Variants in KCNIP3 observed in about 807,000 individuals in gnomAD.
The protein encoded by KCNIP3 is calsenilin.
Under a neutral mutation model 35.0 loss-of-function variants are expected in KCNIP3, and 28 were observed. The observed-to-expected ratio is 0.80, with a 90% confidence interval of 0.59 to 1.10. The LOEUF (loss-of-function observed/expected upper bound fraction) is 1.10, where lower values mean the gene tolerates loss of function less well. Ranked by LOEUF, KCNIP3 falls within the 50% of genes least tolerant of loss-of-function variation. The pLI is 0.00. For missense variants in KCNIP3, 295 were observed against 338.4 expected (o/e 0.87, Z 1.01); for synonymous variants, 134 against 133.8 (o/e 1.00, Z -0.01).
At chr2:95,381,434 G>C (rs1680337070) in intron 5 of KCNIP3, among the ~76,000 whole-genome samples, 162 bp from the exon 6 acceptor site, 1 of 152,106 alleles carries the variant, frequency 6.6e-6, no homozygotes, top group Non-Finnish European at 1.5e-5. Context: ...CTCACACACG[G>C]GCACACACTC....
At chr2:95,371,528 AAATATTAATTAGG>A (rs1279061240) in intron 2 of KCNIP3, among the ~76,000 whole-genome samples, 4 of 152,222 alleles carry the variant, frequency 2.6e-5, no homozygotes, top group Non-Finnish European at 5.9e-5. Context: ...AGTGTTCTAT[AAATATTAATTAGG>A]TCAAATTGGT....
chr2:95,366,712 G>C (rs1019956839), intron 2 of KCNIP3, among the ~76,000 whole-genome samples: 6 of 152,086 alleles, frequency 3.9e-5, no homozygotes, highest in African/African-American at 1.4e-4. Flanking sequence ...TATTTGTTAT[G>C]TAAGCAATTC....
chr2:95,382,922 G>T lies in KCNIP3; in HGVS notation c.661-310G>T, dbSNP rs1206416837. Among the ~76,000 whole-genome samples the T allele has an allele frequency of 6.6e-6, 1 of 152,232 alleles. No homozygotes were observed. Among genetic ancestry groups the T allele is most frequent in the African/African-American group, 2.4e-5 (1 of 41,468 alleles). On this transcript the variant is annotated intron_variant, in intron 7 of 8. Coordinates refer to ENST00000295225, the MANE Select transcript of KCNIP3 (RefSeq NM_013434.5). This position sits in a 1 kb window ranked among gnomAD's most constrained non-coding sequence, Gnocchi z 4.5. ...TCTGCCCTGGCTGCCTCTCAGGGAG[G>T]TGAGGCGGTCAGATGAGCATGGGGA...
intron 2 of KCNIP3, among the ~76,000 whole-genome samples, chr2:95,367,631 G>A (rs188473736): frequency 1.8e-3 from 272 of 152,212 alleles, no homozygotes; most frequent in African/African-American, 6.1e-3. Context: ...TGTGAGATGA[G>A]CAATTGTAAA....
At chr2:95,364,486 C>A (rs1006426608) in intron 2 of KCNIP3, among the ~76,000 whole-genome samples, 24 of 152,150 alleles carry the variant, frequency 1.6e-4, no homozygotes, top group African/African-American at 3.9e-4. Flanking sequence ...TGTCCCCCCC[C>A]ACATCTCATG....
chr2:95,351,897 GAGAA>G (rs1389267619), intron 2 of KCNIP3, among the ~76,000 whole-genome samples: 1 of 152,172 alleles, frequency 6.6e-6, no homozygotes, highest in East Asian at 1.9e-4. Flanking sequence ...TAGTCTGGCT[GAGAA>G]AGAAGTTTAC....
chr2:95,384,168 C>CTA lies in KCNIP3; in HGVS notation c.*120_*121dup. The CTA allele has an allele frequency of 2.1e-6, 1 of 465,624 alleles. No homozygotes were observed. The highest frequency in any genetic ancestry group is 3.9e-5 in the East Asian group (1 of 25,500). 28.8% of individuals were successfully genotyped at this position (465,624 alleles called of 1,614,324 possible). ...AGATTTGCAAAAAGTGAACAGATTG[C>CTA]TACACACACACACACACACACACAC... On this transcript the variant is annotated 3_prime_UTR_variant, in exon 9 of 9. Coordinates refer to ENST00000295225, the MANE Select transcript of KCNIP3 (RefSeq NM_013434.5).
chr2:95,341,112 G>A (rs1679183601), intron 2 of KCNIP3, among the ~76,000 whole-genome samples: 1 of 152,108 alleles, frequency 6.6e-6, no homozygotes, highest in Non-Finnish European at 1.5e-5. Flanking sequence ...TGTTGGAGGT[G>A]GGGTCCCGTG....
intron 5 of KCNIP3, among the ~76,000 whole-genome samples, chr2:95,380,401 T>C (rs1379898157): frequency 6.6e-6 from 1 of 152,218 alleles, no homozygotes; most frequent in Non-Finnish European, 1.5e-5. Context: ...AATCTAACAC[T>C]TGAGGGGCCT....
At chr2:95,379,351 C>T (rs1204659186) in intron 5 of KCNIP3, among the ~76,000 whole-genome samples, 1 of 152,158 alleles carries the variant, frequency 6.6e-6, no homozygotes, top group African/African-American at 2.4e-5. Flanking sequence ...GTTCTGTGAC[C>T]TCATTATTCA....
At chr2:95,354,007 G>A (rs530962673) in intron 2 of KCNIP3, among the ~76,000 whole-genome samples, 9 of 152,210 alleles carry the variant, frequency 5.9e-5, no homozygotes, top group East Asian at 1.9e-4. Flanking sequence ...TCAGTGGCAC[G>A]GAAGTGGAGG....
chr2:95,351,647 C>G (rs1425591532), intron 2 of KCNIP3, among the ~76,000 whole-genome samples: 3 of 152,162 alleles, frequency 2.0e-5, no homozygotes, highest in African/African-American at 7.2e-5. Context: ...GATGTCATGC[C>G]TGAAACCAAA....
Position 95,374,287 on chromosome 2 carries a change from C to T in KCNIP3, c.182-9C>T, listed in dbSNP as rs1473350021. 2 of 1,613,106 alleles carry T rather than the reference C, an allele frequency of 1.2e-6. No homozygotes were observed. Among genetic ancestry groups the T allele is most frequent in the East Asian group, 4.5e-5 (2 of 44,882 alleles). Reference sequence around the variant, plus strand: ...GGCCTTACACTCTCTGGTCTGTGTCCCACTCCAGATAGCAGCGACAGTGAG... The same window carrying T: ...GGCCTTACACTCTCTGGTCTGTGTCTCACTCCAGATAGCAGCGACAGTGAG... On this transcript the variant is annotated splice_polypyrimidine_tract_variant and intron_variant, in intron 2 of 8. Coordinates refer to ENST00000295225, the MANE Select transcript of KCNIP3 (RefSeq NM_013434.5).
chr2:95,329,947 C>T (rs1167207282), intron 2 of KCNIP3, among the ~76,000 whole-genome samples: 4 of 152,240 alleles, frequency 2.6e-5, no homozygotes, highest in African/African-American at 9.6e-5. Context: ...GCTCTGGTCC[C>T]CCTCTCGTCC....
At position 95,332,605 on chromosome 2, in the gene KCNIP3, C is replaced by T. The variant is rs117768411; in HGVS notation, c.181+22085C>T. Among the ~76,000 whole-genome samples the T allele has an allele frequency of 3.5e-4, 53 of 152,312 alleles. No individual in the cohort carries two copies. The East Asian group carries it at 0.01, about 29-fold the overall frequency. ...AACAAATGTAAGCATTATTTCATTT[C>T]GTCTTCAAGTGTGGGCCATGGGATA... On this transcript the variant is annotated intron_variant, in intron 2 of 8. Transcript: ENST00000295225.
chr2:95,383,392 C>T (rs2104310617), intron 8 of KCNIP3, 98 bp downstream of exon 8: 1 of 1,211,654 alleles, frequency 8.3e-7, no homozygotes, highest in African/African-American at 1.5e-5. Context: ...CAGTCCCACC[C>T]CTGCCAGTCC....
rs780203645 is a variant in KCNIP3, at chr2:95,374,929, G to A, written c.376+12G>A. Reference sequence around the variant, plus strand: ...CTTCCCTCAGGGAGGTGAGTCTGAGGCAGGGCAGCCCTGCTGTGTCCCAGT... The same window carrying A: ...CTTCCCTCAGGGAGGTGAGTCTGAGACAGGGCAGCCCTGCTGTGTCCCAGT... On this transcript the variant is annotated intron_variant, in intron 4 of 8. Transcript: ENST00000295225. 6.2e-7 allele frequency: 1 copy of A among 1,613,612 alleles called. No individual in the cohort carries two copies. The highest frequency in any genetic ancestry group is 8.5e-7 in the Non-Finnish European group (1 of 1,179,828).
At position 95,305,901 on chromosome 2, in the gene KCNIP3, G is replaced by A. The variant is rs573503670; in HGVS notation, c.16-4454G>A. Among the ~76,000 whole-genome samples, 8 of 152,328 alleles carry A rather than the reference G, an allele frequency of 5.3e-5. No individual in the cohort carries two copies. In the East Asian group the frequency reaches 1.4e-3, roughly 26 times the overall value. On this transcript the variant is annotated intron_variant, in intron 1 of 8. Coordinates refer to ENST00000295225, the MANE Select transcript of KCNIP3 (RefSeq NM_013434.5). Reference sequence around the variant, plus strand: ...TGTTTAATCATTCACCCATTGAAGGGCATTGGGTTGCTTCCAGTATGGGGC... The same window carrying A: ...TGTTTAATCATTCACCCATTGAAGGACATTGGGTTGCTTCCAGTATGGGGC...
At chr2:95,360,894 G>T (rs1341767229) in intron 2 of KCNIP3, among the ~76,000 whole-genome samples, 5 of 152,246 alleles carry the variant, frequency 3.3e-5, no homozygotes, top group African/African-American at 1.2e-4. Context: ...TGTCACAGTG[G>T]TGACTAAATT....
Sources: allele counts gnomAD v4.1 joint callset (sites outside exome capture counted in the v4.1 genomes callset), GRCh38; gene constraint gnomAD v4.1.1; non-coding constraint Gnocchi (gnomAD v3.1); transcripts MANE v1.5; gene names NCBI Gene and HGNC (gene_info 2026-07-23, HGNC 2026-07-21).